LIN54: variants seen among roughly 807,000 people sequenced by gnomAD.
The protein encoded by LIN54 is lin-54 DREAM MuvB core complex component.
A neutral mutation model predicts 78.7 loss-of-function variants in LIN54; 9 were observed. That is an observed-to-expected ratio of 0.11 (90% CI 0.07 to 0.20). LIN54 has a LOEUF of 0.20. LIN54 is among the 10% of genes least tolerant of loss of function. The pLI, the probability that LIN54 is intolerant of heterozygous loss-of-function variation, is 1.00. For synonymous variants in LIN54, 269 were observed against 318.4 expected (o/e 0.84, Z 1.65); for missense variants, 573 against 889.9 (o/e 0.64, Z 4.53).
Position 83,010,587 on chromosome 4 carries a change from A to C in LIN54, c.-136T>G. On this transcript the variant is annotated 5_prime_UTR_variant, in exon 1 of 13. Transcript: ENST00000340417. ...GCGGGGCTTGTTTTGCCCGTGCACG[A>C]TAGCTCTGGCCAGCAGCTTCCTTTC... is the stretch of plus-strand genomic sequence containing the variant. 5.7e-6 allele frequency: 7 copies of C among 1,222,874 alleles called. No individual in the cohort carries two copies. Among genetic ancestry groups the C allele is most frequent in the Non-Finnish European group, 6.1e-6 (6 of 982,454 alleles). 75.8% of individuals were successfully genotyped at this position (1,222,874 alleles called of 1,614,324 possible).
intron 4 of LIN54, 87 bp downstream of exon 4, chr4:82,970,240 C>T: frequency 8.0e-7 from 1 of 1,246,516 alleles, no homozygotes. Flanking sequence ...TGGGAATGTA[C>T]TAAAATTGAA....
chr4:82,948,037 G>T (rs1265944216), intron 4 of LIN54, among the ~76,000 whole-genome samples: 4 of 151,960 alleles, frequency 2.6e-5, no homozygotes, highest in Admixed American at 2.0e-4. Context: ...TTCAAAATAA[G>T]AGATAACAGC....
At chr4:82,983,505 T>A (rs963803211) in intron 2 of LIN54, among the ~76,000 whole-genome samples, 2 of 152,154 alleles carry the variant, frequency 1.3e-5, no homozygotes, top group Admixed American at 1.3e-4. Flanking sequence ...CAAAAAGTAT[T>A]CTTAAGATAA....
rs531915907 is a variant in LIN54 at position 82,964,530 on chromosome 4, C to G, written c.951+5797G>C. On this transcript the variant is annotated intron_variant, in intron 4 of 12. Coordinates refer to ENST00000340417, the MANE Select transcript of LIN54 (RefSeq NM_194282.4). ...TTTTTGTGGGTTCAAGTATTTCAAC[C>G]AAAATGGAGGTTGGATATCAGGATT... 3.3e-5 allele frequency among the ~76,000 whole-genome samples: 5 copies of G among 152,136 alleles called. No individual in the cohort carries two copies. In the South Asian group the frequency reaches 1.0e-3, roughly 32 times the overall value.
chr4:82,928,790 T>C (rs989699388), intron 12 of LIN54, among the ~76,000 whole-genome samples: 1 of 152,244 alleles, frequency 6.6e-6, no homozygotes, highest in Non-Finnish European at 1.5e-5. Flanking sequence ...TAAAGCACTT[T>C]ACCATAGTCA....
In LIN54 at chr4:82,971,428, G is replaced by A. The variant is rs146370349; in HGVS notation, c.809-959C>T. Among the ~76,000 whole-genome samples, 256 of 152,130 alleles carry A rather than the reference G, an allele frequency of 1.7e-3. 1 individual carries two copies. The highest frequency in any genetic ancestry group is 0.01 in the Middle Eastern group (3 of 294). ...ATTTTCCTCTGCCATCTGAGATGGC[G>A]GCTCCTTGGTTAGCCTGTGTCCCTG... On this transcript the variant is annotated intron_variant, in intron 3 of 12. Coordinates refer to ENST00000340417, the MANE Select transcript of LIN54 (RefSeq NM_194282.4).
chr4:82,940,163 G>A (rs1427617882), intron 5 of LIN54, among the ~76,000 whole-genome samples: 1 of 152,162 alleles, frequency 6.6e-6, no homozygotes, highest in Non-Finnish European at 1.5e-5. Context: ...TTATATCTAA[G>A]GTGGCTACAG....
At chr4:83,011,760 A>G (rs1729866986), upstream of LIN54, among the ~76,000 whole-genome samples, 1 of 152,010 alleles carries the variant, frequency 6.6e-6, no homozygotes, top group Non-Finnish European at 1.5e-5. Flanking sequence ...ATTCTTAATC[A>G]TTTAAAAAAT....
chr4:82,948,369 G>A (rs1447124123), intron 4 of LIN54, among the ~76,000 whole-genome samples: 1 of 152,108 alleles, frequency 6.6e-6, no homozygotes, highest in African/African-American at 2.4e-5. Context: ...ACAGGGGTTG[G>A]TTGAATTAAG....
intron 4 of LIN54, among the ~76,000 whole-genome samples, chr4:82,954,422 A>ATTTATTTATT (rs1724113139): frequency 6.6e-6 from 1 of 151,112 alleles, no homozygotes. Context: ...TTATTTATTT[A>ATTTATTTATT]TTTATTTATT....
chr4:82,942,860 GCA>G (rs1214264708), intron 5 of LIN54, among the ~76,000 whole-genome samples: 86 of 38,494 alleles, frequency 2.2e-3, no homozygotes, highest in African/African-American at 0.012. Flanking sequence ...GTGTGCGCGC[GCA>G]CACACACACA....
intron 4 of LIN54, among the ~76,000 whole-genome samples, chr4:82,957,407 CTT>C (rs70943173): frequency 0.18 from 28,004 of 152,118 alleles, 2,732 homozygotes; most frequent in South Asian, 0.32. Context: ...TATTAAATCT[CTT>C]GTCTCAGAAA....
chr4:83,001,062 C>T (rs183864534), intron 1 of LIN54, among the ~76,000 whole-genome samples: 1 of 152,148 alleles, frequency 6.6e-6, no homozygotes, highest in Admixed American at 6.5e-5. Flanking sequence ...AGGTGATCTG[C>T]CCACCTTGGC....
intron 4 of LIN54, among the ~76,000 whole-genome samples, chr4:82,966,541 A>C (rs1237415576): frequency 1.3e-5 from 2 of 151,964 alleles, no homozygotes; most frequent in African/African-American, 4.8e-5. Flanking sequence ...GGGAAAAAAA[A>C]CCAACAAAAA....
chr4:82,938,297 T>C (rs1275120800), intron 8 of LIN54, 116 bp downstream of exon 8: 5 of 624,364 alleles, frequency 8.0e-6, no homozygotes, highest in African/African-American at 1.8e-5. Flanking sequence ...TTTAGAGGCA[T>C]GCTCACATGG....
In LIN54 at chr4:83,010,325, A is replaced by C. The variant is rs1442384864; in HGVS notation, c.-33+159T>G. On this transcript the variant is annotated intron_variant, in intron 1 of 12. Coordinates refer to ENST00000340417, the MANE Select transcript of LIN54 (RefSeq NM_194282.4). ...GCAAACTGGAGCCCTCTTAACACTC[A>C]AAGAATAATGTTGATGTCATGACGA... 5.9e-5 allele frequency among the ~76,000 whole-genome samples: 9 copies of C among 152,264 alleles called. No homozygotes were observed. In the East Asian group the frequency reaches 1.2e-3, roughly 20 times the overall value.
At chr4:82,963,855 T>C (rs1226452012) in intron 4 of LIN54, among the ~76,000 whole-genome samples, 1 of 152,160 alleles carries the variant, frequency 6.6e-6, no homozygotes, top group East Asian at 1.9e-4. Flanking sequence ...TATCAACAAT[T>C]ACATTAAATA....
At chr4:82,958,605 T>C (rs947753300) in intron 4 of LIN54, among the ~76,000 whole-genome samples, 2 of 152,230 alleles carry the variant, frequency 1.3e-5, no homozygotes, top group Admixed American at 1.3e-4. Flanking sequence ...CTTTTTAAAG[T>C]GCAGTCAACA....
chr4:83,007,199 T>C (rs1578676677), intron 1 of LIN54, among the ~76,000 whole-genome samples: 1 of 151,366 alleles, frequency 6.6e-6, no homozygotes, highest in East Asian at 1.9e-4. Context: ...TATAACTGAG[T>C]GAAATAACAA....
Sources: allele counts gnomAD v4.1 joint callset (sites outside exome capture counted in the v4.1 genomes callset), GRCh38; gene constraint gnomAD v4.1.1; transcripts MANE v1.5; gene names NCBI Gene and HGNC (gene_info 2026-07-23, HGNC 2026-07-21).